The following ZHX3 variants were observed in gnomAD, a reference collection of about 807,000 sequenced individuals.
ZHX3 encodes zinc fingers and homeoboxes protein 3.
ZHX3 carries 20 observed loss-of-function variants against 64.5 expected under a neutral mutation model. That is an observed-to-expected ratio of 0.31 (90% CI 0.22 to 0.45). The LOEUF (loss-of-function observed/expected upper bound fraction) is 0.45, where lower values mean the gene tolerates loss of function less well. Ranked by LOEUF, ZHX3 falls within the 20% of genes least tolerant of loss-of-function variation. ZHX3 has a pLI of 1.00. For missense variants in ZHX3, 1,041 were observed against 1,195.8 expected (o/e 0.87, Z 1.91); for synonymous variants, 423 against 461.6 (o/e 0.92, Z 1.07).
intron 1 of ZHX3, among the ~76,000 whole-genome samples, chr20:41,282,651 C>T (rs2043747982): frequency 6.6e-6 from 1 of 152,166 alleles, no homozygotes; most frequent in African/African-American, 2.4e-5. Context: ...AGCCACCGCA[C>T]CCAGCCCACG....
chr20:41,218,352 G>T (rs1600814526), intron 2 of ZHX3, among the ~76,000 whole-genome samples: 2 of 151,966 alleles, frequency 1.3e-5, no homozygotes, highest in East Asian at 1.9e-4. Context: ...AGCTGAGGCG[G>T]ATGACTGCTT....
intron 1 of ZHX3, among the ~76,000 whole-genome samples, chr20:41,275,602 G>C (rs768045355): frequency 6.6e-6 from 1 of 152,242 alleles, no homozygotes; most frequent in Non-Finnish European, 1.5e-5. Context: ...AATCAGCACA[G>C]TGAGCAAGGC....
intron 2 of ZHX3, among the ~76,000 whole-genome samples, chr20:41,233,614 G>A (rs1345735900): frequency 1.3e-5 from 2 of 152,176 alleles, no homozygotes; most frequent in African/African-American, 4.8e-5. Context: ...TGCAGTAGGG[G>A]AACATGGATA....
intron 1 of ZHX3, among the ~76,000 whole-genome samples, chr20:41,295,261 A>G (rs2044450077): frequency 6.6e-6 from 1 of 152,248 alleles, no homozygotes; most frequent in Non-Finnish European, 1.5e-5. Context: ...ACACTTCAGT[A>G]GAATGCAATC....
chr20:41,274,543 A>G (rs1370083027), intron 1 of ZHX3, among the ~76,000 whole-genome samples: 1 of 152,214 alleles, frequency 6.6e-6, no homozygotes, highest in African/African-American at 2.4e-5. Flanking sequence ...ACTTGATATT[A>G]TAAAGGTAAC....
intron 2 of ZHX3, among the ~76,000 whole-genome samples, chr20:41,211,781 G>A (rs564794894): frequency 6.6e-6 from 1 of 152,276 alleles, no homozygotes; most frequent in South Asian, 2.1e-4. Context: ...GGGCATACAG[G>A]ATGTTTTTCT....
chr20:41,250,762 A>G (rs377306493), intron 2 of ZHX3, among the ~76,000 whole-genome samples: 77 of 152,352 alleles, frequency 5.1e-4, no homozygotes, highest in African/African-American at 1.7e-3. Context: ...ATTTCTGTAA[A>G]TTAAAGACAA....
In ZHX3 at chr20:41,212,905, G is replaced by A. The variant is rs1396041918; in HGVS notation, c.-150-7839C>T. On this transcript the variant is annotated intron_variant, in intron 2 of 3. Transcript: ENST00000683867. This position sits in a 1 kb window ranked among gnomAD's most constrained non-coding sequence, Gnocchi z 4.3. ...TAAAAACATGTCCACCCCAAAATAT[G>A]TACACAAATGTTCACAGCAGCATTA... 6.6e-6 allele frequency among the ~76,000 whole-genome samples: 1 copy of A among 151,910 alleles called. No homozygotes were observed. Among genetic ancestry groups the A allele is most frequent in the Admixed American group, 6.6e-5 (1 of 15,236 alleles).
At chr20:41,251,436 T>C (rs371655822) in intron 2 of ZHX3, among the ~76,000 whole-genome samples, 2 of 151,996 alleles carry the variant, frequency 1.3e-5, no homozygotes, top group Non-Finnish European at 2.9e-5. Context: ...AAGAAAATAA[T>C]ACAAAGAAAT....
rs1419694972 is a variant in ZHX3 at position 41,203,304 on chromosome 20, A to G, written c.1613T>C (p.Val538Ala). The stretch of plus-strand genomic sequence containing the variant: ...TCTACGATCACTGAACCATTTCCGC[A>G]CCTCTCTGGTACTGAGGCCCGTCAC... ...TKVTGLSTREVRKWFSDRRYH... is the reference protein window; with the variant it reads ...TKVTGLSTREARKWFSDRRYH... The change falls in exon 3 of 4, where the codon GTG becomes GCG. Residue 538 changes from valine to alanine, a missense_variant. Val to Ala is a moderately conservative substitution (Grantham distance 64, BLOSUM62 0). Around this residue, in one of 4 missense-constraint regions of ZHX3, gnomAD observed 649 missense variants for 739.8 expected, o/e 0.88. Transcript: ENST00000683867. The surrounding 1 kb of genome is among the most constrained non-coding windows in gnomAD (Gnocchi z 7.1). 1 of 1,613,816 alleles carries G rather than the reference A, an allele frequency of 6.2e-7. No individual in the cohort carries two copies. The highest frequency in any genetic ancestry group is 8.5e-7 in the Non-Finnish European group (1 of 1,179,946).
chr20:41,302,946 G>A (rs1193166916), intron 1 of ZHX3, among the ~76,000 whole-genome samples: 1 of 152,272 alleles, frequency 6.6e-6, no homozygotes, highest in Non-Finnish European at 1.5e-5. Context: ...CTGGAGAGAA[G>A]GGAGAGGACT....
intron 2 of ZHX3, among the ~76,000 whole-genome samples, chr20:41,214,596 C>T (rs1041131303): frequency 6.6e-6 from 1 of 152,208 alleles, no homozygotes; most frequent in African/African-American, 2.4e-5. Flanking sequence ...ACAGTGAACA[C>T]CCATATCCCC....
At chr20:41,281,071 A>G (rs1396530419) in intron 1 of ZHX3, among the ~76,000 whole-genome samples, 1 of 152,240 alleles carries the variant, frequency 6.6e-6, no homozygotes, top group Non-Finnish European at 1.5e-5. Context: ...TAAAGTTGAA[A>G]TCTAGGAACA....
At chr20:41,291,528 T>C (rs977511290) in intron 1 of ZHX3, among the ~76,000 whole-genome samples, 14 of 152,206 alleles carry the variant, frequency 9.2e-5, no homozygotes, top group African/African-American at 3.4e-4. Flanking sequence ...GCACAGAGCA[T>C]AAGTACCATA....
intron 1 of ZHX3, among the ~76,000 whole-genome samples, chr20:41,270,882 T>G (rs890903537): frequency 6.6e-6 from 1 of 152,154 alleles, no homozygotes; most frequent in East Asian, 1.9e-4. Flanking sequence ...AAACAACTTC[T>G]AATTCTCCCT....
rs759473025 is a variant in ZHX3, at chr20:41,203,316, C to G, written c.1601G>C (p.Ser534Thr). Residue 534 changes from serine (S) to threonine (T), a missense_variant, in exon 3 of 4, where the codon AGT becomes ACT. Coordinates refer to ENST00000683867, the MANE Select transcript of ZHX3 (RefSeq NM_001384317.1). This position sits in a 1 kb window ranked among gnomAD's most constrained non-coding sequence, Gnocchi z 7.1. ...GAACCATTTCCGCACCTCTCTGGTA[C>G]TGAGGCCCGTCACTTTTGTGAGATG... Reference protein sequence around the residue: ...VEHLTKVTGLSTREVRKWFSD... With the variant: ...VEHLTKVTGLTTREVRKWFSD... The G allele has an allele frequency of 1.2e-6, 2 of 1,614,208 alleles. No individual in the cohort carries two copies. Among genetic ancestry groups the G allele is most frequent in the Admixed American group, 1.7e-5 (1 of 60,028 alleles).
intron 2 of ZHX3, among the ~76,000 whole-genome samples, chr20:41,218,053 A>G (rs1046033878): frequency 6.6e-6 from 1 of 152,142 alleles, no homozygotes; most frequent in African/African-American, 2.4e-5. Context: ...AGATGGGAGG[A>G]TCTCATGAGC....
intron 2 of ZHX3, among the ~76,000 whole-genome samples, chr20:41,256,914 G>A (rs2042287241): frequency 6.6e-6 from 1 of 152,000 alleles, no homozygotes. Flanking sequence ...CCAATAGGTA[G>A]TATTTCATCC....
At chr20:41,317,009 A>T (rs544460986) in intron 1 of ZHX3, 1 of 152,578 alleles carries the variant, frequency 6.6e-6, no homozygotes, top group African/African-American at 2.4e-5. Flanking sequence ...GACGCTCTTT[A>T]CACCGGGGGC....
Sources: gnomAD v4.1 joint callset for allele counts (sites outside exome capture counted in the v4.1 genomes callset) on GRCh38, gnomAD v4.1.1 for gene constraint, gnomAD v4.1.1 regional missense constraint, Gnocchi (gnomAD v3.1) non-coding constraint, MANE v1.5 for transcripts, NCBI Gene and HGNC (gene_info 2026-07-23, HGNC 2026-07-21) for gene names.